NEK11: variants seen among roughly 807,000 people sequenced by gnomAD.
The protein encoded by NEK11 is serine/threonine-protein kinase Nek11.
A neutral mutation model predicts 80.7 loss-of-function variants in NEK11; 72 were observed. That is an observed-to-expected ratio of 0.89 (90% confidence interval 0.74 to 1.08). The LOEUF (loss-of-function observed/expected upper bound fraction) is 1.08. NEK11 is among the 50% of genes least tolerant of loss of function. The pLI, the probability that NEK11 is intolerant of heterozygous loss-of-function variation, is 0.00. For synonymous variants in NEK11, 251 were observed against 260.7 expected (o/e 0.96, Z 0.36); for missense variants, 764 against 763.6 (o/e 1.00, Z -0.01).
chr3:131,065,529 A>G (rs2071757034), intron 3 of NEK11, among the ~76,000 whole-genome samples: 1 of 152,214 alleles, frequency 6.6e-6, no homozygotes, highest in Non-Finnish European at 1.5e-5. Context: ...CATACATTTC[A>G]AAATCAGCCT....
At chr3:131,251,902 C>A (rs1057371817) in intron 16 of NEK11, among the ~76,000 whole-genome samples, 2 of 152,092 alleles carry the variant, frequency 1.3e-5, no homozygotes, top group African/African-American at 2.4e-5. Flanking sequence ...AAATACCTGT[C>A]TGGTGTGGAA....
chr3:131,063,788 G>A (rs762360312), intron 3 of NEK11, among the ~76,000 whole-genome samples: 23 of 152,270 alleles, frequency 1.5e-4, no homozygotes, highest in Non-Finnish European at 2.4e-4. Flanking sequence ...TACTACAAGT[G>A]TAAAATTACC....
intron 14 of NEK11, among the ~76,000 whole-genome samples, chr3:131,177,297 C>T (rs2093079420): frequency 1.3e-5 from 2 of 152,148 alleles, no homozygotes; most frequent in South Asian, 4.1e-4. Context: ...CTGTCATCTG[C>T]AGTTTTCAAA....
At chr3:131,183,572 A>G (rs563989702) in intron 14 of NEK11, among the ~76,000 whole-genome samples, 3 of 152,264 alleles carry the variant, frequency 2.0e-5, no homozygotes, top group Admixed American at 6.5e-5. Context: ...TGCTGAGGAT[A>G]ATGGCTTCCA....
intron 14 of NEK11, among the ~76,000 whole-genome samples, chr3:131,176,196 A>G (rs1247863339): frequency 6.6e-6 from 1 of 152,190 alleles, no homozygotes; most frequent in African/African-American, 2.4e-5. Flanking sequence ...ACTGGAGCAT[A>G]ATACAACAAA....
At chr3:131,139,085 CAG>C (rs1337164613) in intron 7 of NEK11, among the ~76,000 whole-genome samples, 6 of 151,986 alleles carry the variant, frequency 3.9e-5, no homozygotes, top group Non-Finnish European at 7.4e-5. Context: ...ACCTTTCAGA[CAG>C]AGAATTCATA....
chr3:131,298,208 A>T (rs1448540651), intron 17 of NEK11, among the ~76,000 whole-genome samples: 72 of 149,016 alleles, frequency 4.8e-4, no homozygotes, highest in South Asian at 1.1e-3. Context: ...GAAGAAAGTC[A>T]TTGGTAGCTT....
At chr3:131,081,674 T>C (rs549087871) in intron 4 of NEK11, among the ~76,000 whole-genome samples, 44 of 152,194 alleles carry the variant, frequency 2.9e-4, no homozygotes, top group Non-Finnish European at 5.4e-4. Flanking sequence ...TTTGGTACTG[T>C]TCATACTTTA....
intron 3 of NEK11, among the ~76,000 whole-genome samples, chr3:131,042,711 G>T (rs1247475332): frequency 6.6e-6 from 1 of 152,032 alleles, no homozygotes; most frequent in South Asian, 2.1e-4. Flanking sequence ...GTTCCTGCCT[G>T]CTGACTCTGA....
rs529962197 is a variant in NEK11, at chr3:131,313,808, G to A, written c.1719-35749G>A. On this transcript the variant is annotated intron_variant, in intron 17 of 17. Transcript: ENST00000383366. Reference sequence around the variant, plus strand: ...GCTTTTACAACAGTAGCATTTTAGCGCAAAGTTGGAATAACAGTTTTGCCC... The same window carrying A: ...GCTTTTACAACAGTAGCATTTTAGCACAAAGTTGGAATAACAGTTTTGCCC... Among the ~76,000 whole-genome samples the A allele has an allele frequency of 1.8e-4, 27 of 152,232 alleles. 1 individual carries two copies. The highest frequency in any genetic ancestry group is 1.0e-3 in the South Asian group (5 of 4,822).
At chr3:131,188,653 A>G (rs1278506808) in intron 14 of NEK11, among the ~76,000 whole-genome samples, 1 of 152,160 alleles carries the variant, frequency 6.6e-6, no homozygotes, top group Non-Finnish European at 1.5e-5. Context: ...CATATCCTTT[A>G]GAAAAAGCAT....
At chr3:131,330,928 G>T (rs77295937) in intron 17 of NEK11, 9,537 of 135,334 alleles carry the variant, frequency 0.07, 465 homozygotes, top group Non-Finnish European at 0.11. Context: ...GAGAAGGAAG[G>T]GGGGGGGGCA....
intron 6 of NEK11, chr3:131,133,429 AAC>A: frequency 3.0e-6 from 1 of 336,454 alleles, no homozygotes; most frequent in Non-Finnish European, 5.7e-6. Flanking sequence ...TTTTCTTTAA[AAC>A]GCTCCATTAT....
intron 4 of NEK11, among the ~76,000 whole-genome samples, chr3:131,080,802 T>TA (rs1352319638): frequency 6.6e-6 from 1 of 152,150 alleles, no homozygotes; most frequent in African/African-American, 2.4e-5. Context: ...GCAAACTCAG[T>TA]AAAAAAGAAT....
At chr3:131,064,858 A>T (rs2071601409) in intron 3 of NEK11, among the ~76,000 whole-genome samples, 1 of 152,046 alleles carries the variant, frequency 6.6e-6, no homozygotes, top group Non-Finnish European at 1.5e-5. Context: ...GGCATGCTAG[A>T]TGGAGATGTG....
intron 17 of NEK11, among the ~76,000 whole-genome samples, chr3:131,301,696 T>C (rs2096663042): frequency 6.6e-6 from 1 of 152,234 alleles, no homozygotes; most frequent in Non-Finnish European, 1.5e-5. Flanking sequence ...TTTGTGTATG[T>C]TGAACCAACC....
chr3:131,267,121 A>T (rs889635916), intron 16 of NEK11, among the ~76,000 whole-genome samples: 2 of 152,158 alleles, frequency 1.3e-5, no homozygotes, highest in African/African-American at 4.8e-5. Flanking sequence ...CAGCATACTG[A>T]TGAGTCTTGA....
intron 17 of NEK11, among the ~76,000 whole-genome samples, chr3:131,323,109 G>C (rs984809964): frequency 1.3e-5 from 2 of 152,148 alleles, no homozygotes; most frequent in Non-Finnish European, 2.9e-5. Context: ...TCTTGCAAAT[G>C]TTTTCAAATA....
At chr3:131,235,920 G>A (rs1312124567) in intron 15 of NEK11, among the ~76,000 whole-genome samples, 1 of 152,146 alleles carries the variant, frequency 6.6e-6, no homozygotes, top group Admixed American at 6.6e-5. Context: ...GAGATTCTTG[G>A]GACCTAAGTG....
Sources: allele counts gnomAD v4.1 joint callset (sites outside exome capture counted in the v4.1 genomes callset), GRCh38; gene constraint gnomAD v4.1.1; transcripts MANE v1.5; gene names NCBI Gene and HGNC (gene_info 2026-07-23, HGNC 2026-07-21).